Variants in NARS2 observed in about 807,000 individuals in gnomAD.
The protein encoded by NARS2 is asparaginyl-tRNA synthetase 2, mitochondrial, also known as asparaginyl-tRNA synthetase.
In NARS2, 60 loss-of-function variants were observed where a neutral mutation model predicts 62.9. The observed-to-expected ratio is 0.95, with a 90% CI of 0.77 to 1.18. The LOEUF (loss-of-function observed/expected upper bound fraction) is 1.18, where lower values mean the gene tolerates loss of function less well. Among genes scored for constraint, NARS2 ranks in the 50% most tolerant of loss-of-function variants. NARS2 has a pLI of 0.00. For synonymous variants in NARS2, 196 were observed against 200.0 expected (o/e 0.98, Z 0.17); for missense variants, 619 against 576.4 (o/e 1.07, Z -0.76).
At chr11:78,540,939 A>G (rs1020837420) in intron 5 of NARS2, among the ~76,000 whole-genome samples, 8 of 152,154 alleles carry the variant, frequency 5.3e-5, no homozygotes, top group African/African-American at 1.9e-4. Flanking sequence ...TAGGCGCATC[A>G]CCTGAGGTCA....
At chr11:78,544,664 G>T (rs1183447392) in intron 5 of NARS2, among the ~76,000 whole-genome samples, 1 of 151,950 alleles carries the variant, frequency 6.6e-6, no homozygotes, top group Non-Finnish European at 1.5e-5. Context: ...CGCGGTGGTG[G>T]GTGCCTGTAG....
intron 5 of NARS2, among the ~76,000 whole-genome samples, chr11:78,538,942 C>T (rs1855496588): frequency 7.6e-6 from 1 of 131,418 alleles, no homozygotes. Context: ...TTGCAGTGAG[C>T]CGAGATCGCG....
chr11:78,470,505 C>A (rs1858824006), intron 9 of NARS2, among the ~76,000 whole-genome samples: 1 of 152,076 alleles, frequency 6.6e-6, no homozygotes, highest in Non-Finnish European at 1.5e-5. Flanking sequence ...AACATACACA[C>A]TCTTTCACAC....
intron 5 of NARS2, among the ~76,000 whole-genome samples, chr11:78,551,575 G>A (rs544104163): frequency 1.3e-5 from 2 of 151,990 alleles, no homozygotes; most frequent in South Asian, 4.2e-4. Flanking sequence ...TCCAGGCTGG[G>A]CGCGGTGGCT....
intron 6 of NARS2, among the ~76,000 whole-genome samples, chr11:78,522,342 C>G (rs1021178006): frequency 4.6e-5 from 7 of 152,024 alleles, no homozygotes; most frequent in Admixed American, 4.6e-4. Flanking sequence ...TGATACCTAT[C>G]TAAGTGAATT....
intron 7 of NARS2, among the ~76,000 whole-genome samples, chr11:78,483,603 G>C (rs1013124991): frequency 2.0e-5 from 3 of 152,048 alleles, no homozygotes; most frequent in Admixed American, 6.6e-5. Context: ...TAATAGACAA[G>C]CAGAGAGCCA....
At chr11:78,487,132 G>A (rs1471720612) in intron 7 of NARS2, among the ~76,000 whole-genome samples, 2 of 152,026 alleles carry the variant, frequency 1.3e-5, no homozygotes, top group African/African-American at 4.8e-5. Flanking sequence ...GAGGTGGGCG[G>A]ATCACTTGAG....
chr11:78,536,481 G>GC (rs978354187), intron 5 of NARS2, among the ~76,000 whole-genome samples: 1 of 152,062 alleles, frequency 6.6e-6, no homozygotes, highest in Admixed American at 6.5e-5. Flanking sequence ...TAATGATGCT[G>GC]CCCCCGTATA....
chr11:78,465,031 G>A (rs1221086817), intron 11 of NARS2, among the ~76,000 whole-genome samples: 4 of 152,212 alleles, frequency 2.6e-5, no homozygotes, highest in African/African-American at 9.6e-5. Flanking sequence ...GGCGGCGCTC[G>A]TCAGGGAGGC....
At chr11:78,540,579 T>C (rs1334058668) in intron 5 of NARS2, among the ~76,000 whole-genome samples, 7 of 152,368 alleles carry the variant, frequency 4.6e-5, no homozygotes, top group Admixed American at 3.9e-4. Flanking sequence ...CCCCACCTTT[T>C]ACCCAGTTCT....
chr11:78,547,993 G>A (rs1004108031), intron 5 of NARS2, among the ~76,000 whole-genome samples: 1 of 152,158 alleles, frequency 6.6e-6, no homozygotes, highest in Admixed American at 6.6e-5. Context: ...GCTGAGATTG[G>A]AGGATCGCTT....
In NARS2 at chr11:78,566,162, T is replaced by G; in HGVS notation, c.483A>C (p.Glu161Asp). Reference sequence around the variant, plus strand: ...AGAAAGAATGAATAGCAGCTGTCGCTTCACTGCGAATCCTCAATATAGAAC... The same window carrying G: ...AGAAAGAATGAATAGCAGCTGTCGCGTCACTGCGAATCCTCAATATAGAAC... ...VLGSILRIRSEATAAIHSFFK... is the reference protein window; with the variant it reads ...VLGSILRIRSDATAAIHSFFK... Residue 161 changes from glutamate to aspartate, a missense_variant, in exon 4 of 14, where the codon GAA becomes GAC. Glu to Asp is a conservative substitution (Grantham distance 45). Coordinates refer to ENST00000281038, the MANE Select transcript of NARS2 (RefSeq NM_024678.6). 6.2e-7 allele frequency: 1 copy of G among 1,611,394 alleles called. No individual in the cohort carries two copies.
intron 4 of NARS2, among the ~76,000 whole-genome samples, chr11:78,563,215 A>ATTTTTTT (rs71046983): frequency 8.6e-6 from 1 of 115,706 alleles, no homozygotes. Context: ...AACCACTTGA[A>ATTTTTTT]TTTTTTTTTT....
chr11:78,487,931 T>C (rs1229710573), intron 7 of NARS2, among the ~76,000 whole-genome samples: 4 of 152,176 alleles, frequency 2.6e-5, no homozygotes, highest in African/African-American at 9.6e-5. Flanking sequence ...TGCTTTTAAA[T>C]GTTAAAGGAA....
intron 5 of NARS2, chr11:78,546,523 C>A (rs1040253547): frequency 6.6e-6 from 1 of 152,200 alleles, no homozygotes; most frequent in African/African-American, 2.4e-5. Flanking sequence ...ATTGTCTCCT[C>A]TTCTACAAGG....
rs1214120497 is a variant in NARS2, at chr11:78,468,309, T to TG, written c.1026+937dup. Among the ~76,000 whole-genome samples the TG allele has an allele frequency of 5.4e-3, 254 of 46,812 alleles. 4 individuals carry two copies. The highest frequency in any genetic ancestry group is 0.032 in the East Asian group (40 of 1,268). The allele number at this position is 46,812 out of a possible 152,430, so 30.7% of individuals were successfully genotyped here. A position where few individuals can be genotyped will look rare whatever the true frequency, so the allele number is the denominator to read the frequency against. On this transcript the variant is annotated intron_variant, in intron 10 of 13. Coordinates refer to ENST00000281038, the MANE Select transcript of NARS2 (RefSeq NM_024678.6). ...AACCTGCTTCTGCAAGCACTAAATC[T>TG]GAAAAAAAAAAAAAAAAAAGAAAAA...
At chr11:78,484,792 T>C (rs1859502965) in intron 7 of NARS2, among the ~76,000 whole-genome samples, 1 of 152,192 alleles carries the variant, frequency 6.6e-6, no homozygotes, top group Non-Finnish European at 1.5e-5. Context: ...GGTGGGAGTG[T>C]CAATTAGTTC....
intron 6 of NARS2, among the ~76,000 whole-genome samples, chr11:78,519,513 T>C (rs1438078291): frequency 6.6e-6 from 1 of 152,198 alleles, no homozygotes; most frequent in African/African-American, 2.4e-5. Flanking sequence ...TTTCTATAAA[T>C]ATATGTATAC....
At chr11:78,484,145 T>C (rs1859473883) in intron 7 of NARS2, among the ~76,000 whole-genome samples, 1 of 152,054 alleles carries the variant, frequency 6.6e-6, no homozygotes, top group South Asian at 2.1e-4. Flanking sequence ...GGGGAAAGGA[T>C]TCTCTATCTA....
Sources: gnomAD v4.1 joint callset for allele counts (sites outside exome capture counted in the v4.1 genomes callset) on GRCh38, gnomAD v4.1.1 for gene constraint, MANE v1.5 for transcripts, NCBI Gene and HGNC (gene_info 2026-07-23, HGNC 2026-07-21) for gene names.